The following DTWD2 variants were observed in gnomAD, a reference collection of about 807,000 sequenced individuals.
The protein encoded by DTWD2 is tRNA-uridine aminocarboxypropyltransferase 2.
A neutral mutation model predicts 31.8 loss-of-function variants in DTWD2; 39 were observed. The ratio of observed to expected loss-of-function variants is 1.22; its 90% CI spans 0.95 to 1.60. DTWD2 has a LOEUF of 1.60. Among genes scored for constraint, DTWD2 ranks in the 40% most tolerant of loss-of-function variants. The pLI is 0.00. For missense variants in DTWD2, 515 were observed against 381.5 expected, an observed-to-expected ratio of 1.35 and a Z score of -2.92; for synonymous variants, 180 against 142.8, an observed-to-expected ratio of 1.26 and a Z score of -1.86.
At chr5:118,895,645 C>G (rs1753069106) in intron 4 of DTWD2, among the ~76,000 whole-genome samples, 1 of 152,108 alleles carries the variant, frequency 6.6e-6, no homozygotes, top group Non-Finnish European at 1.5e-5. Flanking sequence ...AATAGTATGG[C>G]ACTAGCATAA....
intron 1 of DTWD2, among the ~76,000 whole-genome samples, chr5:118,948,185 C>G (rs1243404771): frequency 6.6e-6 from 1 of 152,118 alleles, no homozygotes; most frequent in South Asian, 2.1e-4. Context: ...CATTAATAAA[C>G]CAACTGTGGG....
intron 4 of DTWD2, among the ~76,000 whole-genome samples, chr5:118,904,870 C>CA (rs1753293030): frequency 6.6e-6 from 1 of 152,092 alleles, no homozygotes; most frequent in South Asian, 2.1e-4. Flanking sequence ...GTGAGAGTGA[C>CA]ACTGGGTAAA....
chr5:118,857,993 C>A (rs573682128), intron 4 of DTWD2, among the ~76,000 whole-genome samples: 1 of 152,138 alleles, frequency 6.6e-6, no homozygotes, highest in African/African-American at 2.4e-5. Flanking sequence ...TATCAGTGGC[C>A]TAACCAGCCT....
chr5:118,926,045 C>T (rs756316517), intron 4 of DTWD2, among the ~76,000 whole-genome samples: 1 of 151,974 alleles, frequency 6.6e-6, no homozygotes, highest in Non-Finnish European at 1.5e-5. Flanking sequence ...CCAGCCTGGA[C>T]AACACAGTGG....
intron 4 of DTWD2, among the ~76,000 whole-genome samples, chr5:118,889,501 T>C (rs1752935210): frequency 6.6e-6 from 1 of 152,130 alleles, no homozygotes; most frequent in Non-Finnish European, 1.5e-5. Flanking sequence ...AAACAGCAGA[T>C]ACTTATCACA....
At chr5:118,918,080 A>C (rs1753619104) in intron 4 of DTWD2, among the ~76,000 whole-genome samples, 1 of 152,198 alleles carries the variant, frequency 6.6e-6, no homozygotes, top group African/African-American at 2.4e-5. Context: ...CATGGGGATT[A>C]GAATTCAAGA....
chr5:118,935,506 C>CTGCT (rs752089218), intron 3 of DTWD2, among the ~76,000 whole-genome samples: 43 of 152,188 alleles, frequency 2.8e-4, no homozygotes, highest in South Asian at 1.7e-3. Context: ...GCAAAATTGA[C>CTGCT]TGCTTGCTTG....
intron 4 of DTWD2, among the ~76,000 whole-genome samples, chr5:118,868,206 C>G (rs557658532): frequency 6.6e-6 from 1 of 151,624 alleles, no homozygotes; most frequent in Non-Finnish European, 1.5e-5. Flanking sequence ...TACGAGATAC[C>G]CACATGCAAA....
chr5:118,980,286 T>C (rs1755270273), intron 1 of DTWD2, among the ~76,000 whole-genome samples: 2 of 152,214 alleles, frequency 1.3e-5, no homozygotes, highest in South Asian at 2.1e-4. Context: ...AAACCCACTG[T>C]GTGCACAGCA....
chr5:118,973,489 G>C (rs1015358773), intron 1 of DTWD2, among the ~76,000 whole-genome samples: 1 of 152,158 alleles, frequency 6.6e-6, no homozygotes, highest in Non-Finnish European at 1.5e-5. Context: ...ATCTGTAAAG[G>C]ATTTTATTGC....
intron 1 of DTWD2, among the ~76,000 whole-genome samples, chr5:118,971,249 G>A (rs1165012359): frequency 4.6e-5 from 7 of 152,098 alleles, no homozygotes; most frequent in Admixed American, 4.6e-4. Context: ...CATCTCACAT[G>A]CAAAGACACA....
In DTWD2 at chr5:118,934,264, G is replaced by C. The variant is rs1344529270; in HGVS notation, c.404+4932C>G. Among the ~76,000 whole-genome samples the C allele has an allele frequency of 3.5e-5, 3 of 85,116 alleles. No individual in the cohort carries two copies. The East Asian group carries it at 1.2e-3, about 35-fold the overall frequency. 55.8% of individuals were successfully genotyped at this position (85,116 alleles called of 152,430 possible). On this transcript the variant is annotated intron_variant, in intron 3 of 5. Transcript: ENST00000510708. The stretch of plus-strand genomic sequence containing the variant: ...GGCCTGGGCAACATAGTGAGACCTT[G>C]TCTCCATTAAAAAAAAAAAAAAAAA...
intron 4 of DTWD2, among the ~76,000 whole-genome samples, chr5:118,880,561 C>T (rs1242299213): frequency 6.6e-6 from 1 of 152,006 alleles, no homozygotes; most frequent in Non-Finnish European, 1.5e-5. Context: ...ATTTGTTGGG[C>T]TATGGCATCT....
chr5:118,871,878 T>TATA (rs1424986271), intron 4 of DTWD2, among the ~76,000 whole-genome samples: 1 of 152,190 alleles, frequency 6.6e-6, no homozygotes, highest in Non-Finnish European at 1.5e-5. Context: ...ATTTCTCTCT[T>TATA]GCTATCAAAG....
intron 1 of DTWD2, 172 bp downstream of exon 1, chr5:118,988,122 C>T (rs1165637096): frequency 1.3e-6 from 1 of 797,190 alleles, no homozygotes; most frequent in Admixed American, 2.0e-5. Flanking sequence ...GGAAAAAGGG[C>T]TTCTTACTAG....
chr5:118,912,255 G>A (rs1007777958), intron 4 of DTWD2, among the ~76,000 whole-genome samples: 2 of 152,184 alleles, frequency 1.3e-5, no homozygotes, highest in African/African-American at 4.8e-5. Context: ...TCCACCTGAA[G>A]TACTTGGACT....
At chr5:118,948,782 G>A (rs887335809) in intron 1 of DTWD2, among the ~76,000 whole-genome samples, 3 of 152,144 alleles carry the variant, frequency 2.0e-5, no homozygotes, top group African/African-American at 7.2e-5. Flanking sequence ...GCAGCTTCTA[G>A]GGCTGTTTTT....
At chr5:118,949,883 C>T (rs1341065425) in intron 1 of DTWD2, among the ~76,000 whole-genome samples, 1 of 152,008 alleles carries the variant, frequency 6.6e-6, no homozygotes, top group East Asian at 1.9e-4. Context: ...GAACTGGGCA[C>T]GTGGGGATAA....
At chr5:118,950,298 T>C (rs1448600084) in intron 1 of DTWD2, among the ~76,000 whole-genome samples, 4 of 148,200 alleles carry the variant, frequency 2.7e-5, no homozygotes, top group Admixed American at 2.0e-4. Flanking sequence ...AGCCTGGCCA[T>C]CAATACCTAC....
Sources: gnomAD v4.1 joint callset for allele counts (sites outside exome capture counted in the v4.1 genomes callset) on GRCh38, gnomAD v4.1.1 for gene constraint, MANE v1.5 for transcripts, NCBI Gene and HGNC (gene_info 2026-07-23, HGNC 2026-07-21) for gene names.